The following EXOC2 variants were observed in gnomAD, a reference collection of about 807,000 sequenced individuals.
EXOC2 encodes exocyst complex component 2.
Under a neutral mutation model 131.8 loss-of-function variants are expected in EXOC2, and 70 were observed. The observed-to-expected ratio is 0.53, with a 90% CI of 0.44 to 0.65. EXOC2 has a LOEUF of 0.65. Ranked by LOEUF, EXOC2 falls within the 30% of genes least tolerant of loss-of-function variation. EXOC2 has a pLI of 0.00. For synonymous variants in EXOC2, 411 were observed against 398.4 expected (o/e 1.03, Z -0.38); for missense variants, 923 against 1,108.6 (o/e 0.83, Z 2.38).
intron 23 of EXOC2, among the ~76,000 whole-genome samples, chr6:499,933 T>C (rs1034693679): frequency 6.6e-6 from 1 of 152,182 alleles, no homozygotes; most frequent in Admixed American, 6.5e-5. Flanking sequence ...TGTCACTGTT[T>C]ATGTTCTCTA....
At chr6:558,797 G>A (rs1757555343) in intron 17 of EXOC2, among the ~76,000 whole-genome samples, 1 of 151,836 alleles carries the variant, frequency 6.6e-6, no homozygotes, top group African/African-American at 2.4e-5. Flanking sequence ...TGGGTGACAG[G>A]CGAGACTCCG....
chr6:615,091 T>C (rs1760914695), intron 6 of EXOC2, among the ~76,000 whole-genome samples: 1 of 151,816 alleles, frequency 6.6e-6, no homozygotes, highest in Non-Finnish European at 1.5e-5. Context: ...GCAATGCTAA[T>C]AAAACATGAA....
intron 1 of EXOC2, among the ~76,000 whole-genome samples, chr6:648,722 T>A: frequency 6.9e-6 from 1 of 144,862 alleles, no homozygotes; most frequent in South Asian, 2.3e-4. Flanking sequence ...AACTCTTTTT[T>A]TTTTTTTTTT....
intron 1 of EXOC2, among the ~76,000 whole-genome samples, chr6:681,306 C>T (rs1764392367): frequency 6.6e-6 from 1 of 152,184 alleles, no homozygotes; most frequent in African/African-American, 2.4e-5. Context: ...TATCGGTCAC[C>T]TCTGGGTGAC....
At chr6:565,724 G>A (rs969550667) in intron 13 of EXOC2, among the ~76,000 whole-genome samples, 3 of 152,156 alleles carry the variant, frequency 2.0e-5, no homozygotes, top group East Asian at 1.9e-4. Context: ...ATGCCTTATC[G>A]GTTAACGCAT....
In EXOC2 at chr6:658,635, T is replaced by C. The variant is rs928429660; in HGVS notation, c.-43-20774A>G. ...ATAATTTCAGGATATTTAAAATATA[T>C]ATATATATTTTATATATATATATAT... On this transcript the variant is annotated intron_variant, in intron 1 of 27. Coordinates refer to ENST00000230449, the MANE Select transcript of EXOC2 (RefSeq NM_018303.6). 1.6e-3 allele frequency among the ~76,000 whole-genome samples: 206 copies of C among 129,054 alleles called. 1 individual carries two copies. Among genetic ancestry groups the C allele is most frequent in the Middle Eastern group, 3.8e-3 (1 of 260 alleles). The allele number at this position is 129,054 out of a possible 152,430, so 84.7% of individuals were successfully genotyped here.
At chr6:674,083 G>C (rs1764000025) in intron 1 of EXOC2, among the ~76,000 whole-genome samples, 1 of 152,078 alleles carries the variant, frequency 6.6e-6, no homozygotes, top group Admixed American at 6.6e-5. Flanking sequence ...TACGATGCTT[G>C]GTTCAAAGAA....
intron 17 of EXOC2, 139 bp from the exon 18 acceptor site, chr6:556,703 T>C: frequency 3.5e-6 from 3 of 854,760 alleles, no homozygotes; most frequent in Non-Finnish European, 5.6e-6. Context: ...TGAAAAGTCA[T>C]CTCCTAGTCA....
rs199694152 is a variant in EXOC2, at chr6:615,724, G to GAA, written c.661+1985_661+1986dup. 4.4e-4 allele frequency among the ~76,000 whole-genome samples: 45 copies of GAA among 101,928 alleles called. 1 individual carries two copies. Among genetic ancestry groups the GAA allele is most frequent in the African/African-American group, 8.3e-4 (25 of 30,202 alleles). 66.9% of individuals were successfully genotyped at this position (101,928 alleles called of 152,430 possible). ...AACAGAGTGAGACTCCATCTCAAAA[G>GAA]AAAAAAAAAAAAAAAGAAAAACCAG... On this transcript the variant is annotated intron_variant, in intron 6 of 27. Transcript: ENST00000230449.
chr6:689,137 A>C (rs1764800380), intron 1 of EXOC2: 1 of 152,154 alleles, frequency 6.6e-6, no homozygotes, highest in Non-Finnish European at 1.5e-5. Context: ...TGAGCAGCTC[A>C]CCTTCTCCTA....
chr6:676,177 C>T (rs71545201), intron 1 of EXOC2, among the ~76,000 whole-genome samples: 2 of 54,362 alleles, frequency 3.7e-5, no homozygotes, highest in African/African-American at 5.5e-5. Flanking sequence ...AGGACAGGTT[C>T]CTCTGGAGAC....
intron 23 of EXOC2, among the ~76,000 whole-genome samples, chr6:504,623 T>G (rs186171966): frequency 6.6e-6 from 1 of 152,338 alleles, no homozygotes; most frequent in Non-Finnish European, 1.5e-5. Context: ...ATTTCCTGGC[T>G]AACCCTACAC....
At chr6:584,959 T>C (rs1759122201) in intron 11 of EXOC2, among the ~76,000 whole-genome samples, 1 of 152,216 alleles carries the variant, frequency 6.6e-6, no homozygotes, top group South Asian at 2.1e-4. Context: ...TGTTTGTGAA[T>C]GTCAGTAGGG....
chr6:546,916 T>G (rs909250071), intron 22 of EXOC2, among the ~76,000 whole-genome samples: 11 of 152,248 alleles, frequency 7.2e-5, no homozygotes, highest in Non-Finnish European at 1.3e-4. Flanking sequence ...CTGAGTTGTT[T>G]AAGGGTCAAC....
rs547907839 is a variant in EXOC2 at position 506,253 on chromosome 6, G to A, written c.2381-6553C>T. On this transcript the variant is annotated intron_variant, in intron 23 of 27. Transcript: ENST00000230449. This position sits in a 1 kb window ranked among gnomAD's most constrained non-coding sequence, Gnocchi z 4.4. ...TAGGTATTTGCTGAATGCTCCGCACGTGCTGGATATTAGGAAGATGTCCAG... is the reference window on the plus strand; with the variant it reads ...TAGGTATTTGCTGAATGCTCCGCACATGCTGGATATTAGGAAGATGTCCAG... Among the ~76,000 whole-genome samples the A allele has an allele frequency of 3.9e-5, 6 of 152,282 alleles. 1 individual carries two copies. The East Asian group carries it at 5.8e-4, about 15-fold the overall frequency.
intron 1 of EXOC2, among the ~76,000 whole-genome samples, chr6:683,843 G>C (rs892309884): frequency 1.3e-5 from 2 of 152,178 alleles, no homozygotes; most frequent in African/African-American, 2.4e-5. Context: ...CAACAGTGCC[G>C]TTAACATTTC....
chr6:523,234 T>C (rs941202780), intron 23 of EXOC2, among the ~76,000 whole-genome samples: 2 of 152,192 alleles, frequency 1.3e-5, no homozygotes, highest in African/African-American at 4.8e-5. Context: ...GTCCTTCAAA[T>C]GGAGAACATT....
chr6:555,318 C>T, intron 19 of EXOC2, 30 bp from the exon 20 acceptor site: 2 of 1,429,010 alleles, frequency 1.4e-6, no homozygotes, highest in Non-Finnish European at 1.9e-6. Context: ...TCAGAACTCT[C>T]AGAGGAATGA....
intron 25 of EXOC2, among the ~76,000 whole-genome samples, chr6:495,733 T>A (rs1763694295): frequency 6.6e-6 from 1 of 152,198 alleles, no homozygotes; most frequent in Admixed American, 6.5e-5. Context: ...GATGGATGTG[T>A]GATGGCATCG....
Sources: gnomAD v4.1 joint callset for allele counts (sites outside exome capture counted in the v4.1 genomes callset) on GRCh38, gnomAD v4.1.1 for gene constraint, Gnocchi (gnomAD v3.1) non-coding constraint, MANE v1.5 for transcripts, NCBI Gene and HGNC (gene_info 2026-07-23, HGNC 2026-07-21) for gene names.